The following GRIN3A variants were observed in gnomAD, a reference collection of about 807,000 sequenced individuals.
GRIN3A encodes glutamate ionotropic receptor NMDA type subunit 3A, also known as glutamate receptor ionotropic, NMDA 3A.
GRIN3A carries 47 observed loss-of-function variants against 92.4 expected under a neutral mutation model. The observed-to-expected ratio is 0.51, with a 90% confidence interval of 0.40 to 0.65. The LOEUF (loss-of-function observed/expected upper bound fraction) is 0.65. Among genes scored for constraint, GRIN3A ranks in the 30% least tolerant of loss-of-function variants. The pLI, the probability that GRIN3A is intolerant of heterozygous loss-of-function variation, is 0.00. For missense variants in GRIN3A, 1,324 were observed against 1,393.1 expected, an observed-to-expected ratio of 0.95 and a Z score of 0.79; for synonymous variants, 527 against 540.6, an observed-to-expected ratio of 0.97 and a Z score of 0.35.
chr9:101,715,410 A>G (rs974263559), intron 1 of GRIN3A, among the ~76,000 whole-genome samples: 3 of 152,150 alleles, frequency 2.0e-5, no homozygotes, highest in Admixed American at 6.5e-5. Context: ...TAATCCTAGC[A>G]CTTTGGGAGG....
At chr9:101,605,522 G>A (rs1319795959) in intron 6 of GRIN3A, among the ~76,000 whole-genome samples, 1 of 152,160 alleles carries the variant, frequency 6.6e-6, no homozygotes, top group Non-Finnish European at 1.5e-5. Context: ...TCATAACGAG[G>A]TTAATAGACA....
At chr9:101,644,992 AT>A (rs1484409901) in intron 3 of GRIN3A, among the ~76,000 whole-genome samples, 1 of 151,912 alleles carries the variant, frequency 6.6e-6, no homozygotes, top group Non-Finnish European at 1.5e-5. Flanking sequence ...AATGTTTATC[AT>A]TTTTTGTGTT....
At chr9:101,720,220 A>G (rs1322356199) in intron 1 of GRIN3A, among the ~76,000 whole-genome samples, 1 of 152,216 alleles carries the variant, frequency 6.6e-6, no homozygotes, top group African/African-American at 2.4e-5. Flanking sequence ...AATTGAAGCT[A>G]GGAGTATGTT....
At chr9:101,657,089 G>A (rs1299974442) in intron 3 of GRIN3A, among the ~76,000 whole-genome samples, 1 of 151,888 alleles carries the variant, frequency 6.6e-6, no homozygotes. Context: ...TGAAATGTAA[G>A]CAGTATATGT....
intron 1 of GRIN3A, among the ~76,000 whole-genome samples, chr9:101,702,866 A>C (rs1829772256): frequency 1.3e-5 from 2 of 152,188 alleles, no homozygotes; most frequent in South Asian, 4.1e-4. Context: ...GCTCAGGCCA[A>C]AAACGAAGAA....
chr9:101,636,977 T>G (rs1012497373), intron 3 of GRIN3A, among the ~76,000 whole-genome samples: 1 of 152,262 alleles, frequency 6.6e-6, no homozygotes, highest in African/African-American at 2.4e-5. Context: ...ATTCCTTATG[T>G]GCCCTTGGGG....
intron 5 of GRIN3A, among the ~76,000 whole-genome samples, chr9:101,615,338 T>C (rs1828429793): frequency 6.6e-6 from 1 of 150,632 alleles, no homozygotes; most frequent in Admixed American, 6.6e-5. Flanking sequence ...ATACCTCCTA[T>C]AATTATTCTA....
intron 8 of GRIN3A, among the ~76,000 whole-genome samples, chr9:101,575,001 A>C (rs1478250940): frequency 6.6e-6 from 1 of 152,242 alleles, no homozygotes; most frequent in East Asian, 1.9e-4. Flanking sequence ...AATTCAGCCA[A>C]GTCTGGCTCA....
chr9:101,717,792 A>T (rs1829965472), intron 1 of GRIN3A, among the ~76,000 whole-genome samples: 1 of 152,250 alleles, frequency 6.6e-6, no homozygotes, highest in African/African-American at 2.4e-5. Context: ...AAGATGTGAG[A>T]ACAATGTCAC....
intron 6 of GRIN3A, among the ~76,000 whole-genome samples, chr9:101,590,379 TATTTATTTA>T (rs1828007995): frequency 6.7e-6 from 1 of 149,556 alleles, no homozygotes; most frequent in African/African-American, 2.5e-5. Context: ...TTTATTTATT[TATTTATTTA>T]TTTATTTTTT....
chr9:101,646,607 G>A (rs759428437), intron 3 of GRIN3A, among the ~76,000 whole-genome samples: 2 of 139,292 alleles, frequency 1.4e-5, no homozygotes. Context: ...ATCACTTTGG[G>A]TAGTGGGAAC....
At chr9:101,626,004 A>G (rs1227792179) in intron 4 of GRIN3A, among the ~76,000 whole-genome samples, 1 of 152,202 alleles carries the variant, frequency 6.6e-6, no homozygotes, top group Non-Finnish European at 1.5e-5. Context: ...GATAGCTATG[A>G]TAAATTTCAG....
chr9:101,641,228 C>T (rs949058460), intron 3 of GRIN3A, among the ~76,000 whole-genome samples: 4 of 152,130 alleles, frequency 2.6e-5, no homozygotes, highest in Middle Eastern at 3.2e-3. Flanking sequence ...GTCAGTTTGG[C>T]GATTCCTCAG....
intron 6 of GRIN3A, among the ~76,000 whole-genome samples, chr9:101,580,433 A>T (rs781125162): frequency 1.4e-4 from 21 of 152,270 alleles, no homozygotes; most frequent in Non-Finnish European, 2.6e-4. Context: ...ATTGAGAGAG[A>T]TAGAGATAGA....
intron 1 of GRIN3A, among the ~76,000 whole-genome samples, chr9:101,735,631 T>G (rs1830192898): frequency 6.6e-6 from 1 of 151,908 alleles, no homozygotes; most frequent in South Asian, 2.1e-4. Context: ...TATTGGCCAC[T>G]TACGAAGTAT....
chr9:101,691,865 A>G (rs2118986688), intron 1 of GRIN3A, among the ~76,000 whole-genome samples: 1 of 152,298 alleles, frequency 6.6e-6, no homozygotes, highest in East Asian at 1.9e-4. Context: ...TTTATGCACC[A>G]TGTGGCCTTT....
chr9:101,715,143 G>A (rs1279816553), intron 1 of GRIN3A, among the ~76,000 whole-genome samples: 2 of 143,314 alleles, frequency 1.4e-5, no homozygotes, highest in East Asian at 4.1e-4. Flanking sequence ...GTATGATAAG[G>A]AAATAAGAGC....
chr9:101,630,598 G>A (rs1217238590), intron 3 of GRIN3A, among the ~76,000 whole-genome samples: 3 of 152,180 alleles, frequency 2.0e-5, no homozygotes, highest in African/African-American at 7.2e-5. Context: ...TTTGACAACT[G>A]TGTAACATTG....
chr9:101,610,826 C>T (rs908020477), intron 6 of GRIN3A, among the ~76,000 whole-genome samples: 1 of 151,986 alleles, frequency 6.6e-6, no homozygotes, highest in Non-Finnish European at 1.5e-5. Flanking sequence ...TAGCCAGGCG[C>T]GGTGGCTCAT....
Sources: gnomAD v4.1 joint callset for allele counts (sites outside exome capture counted in the v4.1 genomes callset) on GRCh38, gnomAD v4.1.1 for gene constraint, MANE v1.5 for transcripts, NCBI Gene and HGNC (gene_info 2026-07-23, HGNC 2026-07-21) for gene names.